The following CCDC88A variants were observed in gnomAD, a reference collection of about 807,000 sequenced individuals.
The protein encoded by CCDC88A is girdin.
A neutral mutation model predicts 234.3 loss-of-function variants in CCDC88A; 54 were observed. That is an observed-to-expected ratio of 0.23 (90% CI 0.19 to 0.29). The LOEUF (loss-of-function observed/expected upper bound fraction) is 0.29. Ranked by LOEUF, CCDC88A falls within the 10% of genes least tolerant of loss-of-function variation. The probability of loss-of-function intolerance (pLI) is 1.00; values close to 1 mark genes in which losing one functional copy is unlikely to be tolerated. For missense variants in CCDC88A, 1,832 were observed against 2,123.4 expected (o/e 0.86, Z 2.70); for synonymous variants, 753 against 737.8 (o/e 1.02, Z -0.33).
chr2:55,377,387 G>T (rs887092578), intron 3 of CCDC88A, among the ~76,000 whole-genome samples: 4 of 147,068 alleles, frequency 2.7e-5, no homozygotes, highest in African/African-American at 1.0e-4. Context: ...TGAACTCCTG[G>T]ACTCAAGCAA....
chr2:55,326,708 A>G (rs1344129185), intron 17 of CCDC88A, among the ~76,000 whole-genome samples: 1 of 152,078 alleles, frequency 6.6e-6, no homozygotes, highest in Non-Finnish European at 1.5e-5. Flanking sequence ...CTGGGATTAC[A>G]GGTGCCCGCC....
intron 27 of CCDC88A, 132 bp from the exon 28 acceptor site, chr2:55,301,409 A>G (rs1680884516): frequency 1.8e-6 from 1 of 551,024 alleles, no homozygotes; most frequent in Non-Finnish European, 3.1e-6. Context: ...TATTTCATAG[A>G]CTCAACTAGA....
At chr2:55,337,159 A>G (rs919372099) in intron 13 of CCDC88A, 3 of 171,856 alleles carry the variant, frequency 1.7e-5, no homozygotes, top group African/African-American at 7.2e-5. Flanking sequence ...GTAAAGTAAA[A>G]TTTTACTTAT....
chr2:55,417,517 G>A (rs558259275), intron 2 of CCDC88A: 1 of 151,492 alleles, frequency 6.6e-6, no homozygotes, highest in Non-Finnish European at 1.5e-5. Flanking sequence ...TACTAACCCT[G>A]GAAATAATTG....
chr2:55,395,796 A>C (rs1677430618), intron 2 of CCDC88A, among the ~76,000 whole-genome samples: 1 of 152,212 alleles, frequency 6.6e-6, no homozygotes, highest in Non-Finnish European at 1.5e-5. Flanking sequence ...TAGTAAGGTA[A>C]GCTAAATCTG....
chr2:55,366,831 G>C (rs1339738711), intron 5 of CCDC88A, among the ~76,000 whole-genome samples: 2 of 152,018 alleles, frequency 1.3e-5, no homozygotes, highest in Admixed American at 6.6e-5. Flanking sequence ...TATTGAACAA[G>C]AAAATAATAA....
intron 8 of CCDC88A, chr2:55,350,234 T>C (rs2589087): frequency 0.42 from 64,081 of 152,186 alleles, 14,215 homozygotes; most frequent in East Asian, 0.85. Context: ...AGAATTTTTA[T>C]GCAAGGCAGT....
chr2:55,394,443 A>AC (rs1368938243), intron 2 of CCDC88A: 1 of 152,106 alleles, frequency 6.6e-6, no homozygotes, highest in Non-Finnish European at 1.5e-5. Context: ...TTGGATATAT[A>AC]CCCAGTAATG....
Position 55,301,713 on chromosome 2 carries a change from A to G in CCDC88A, c.4672+159T>C. The G allele has an allele frequency of 7.7e-6, 5 of 649,824 alleles. No individual in the cohort carries two copies. In the South Asian group the frequency reaches 1.0e-4, roughly 13 times the overall value. 40.3% of individuals were successfully genotyped at this position (649,824 alleles called of 1,614,324 possible). ...TTTAGTTATTTGTATAACGTTTTAT[A>G]TTTTTAAAATGATTTGAAAGTTCCT... On this transcript the variant is annotated intron_variant, in intron 27 of 32. Coordinates refer to ENST00000436346, the MANE Select transcript of CCDC88A (RefSeq NM_001365480.1).
intron 4 of CCDC88A, among the ~76,000 whole-genome samples, chr2:55,374,465 C>T (rs935000089): frequency 1.3e-5 from 2 of 152,026 alleles, no homozygotes; most frequent in African/African-American, 4.8e-5. Context: ...GAATAGAAAC[C>T]TGGAAATTAT....
intron 2 of CCDC88A, among the ~76,000 whole-genome samples, chr2:55,411,014 G>T (rs1680395158): frequency 6.6e-6 from 1 of 152,214 alleles, no homozygotes; most frequent in South Asian, 2.1e-4. Flanking sequence ...AATATTAAAT[G>T]ATTGATTCAG....
rs543031661 is a variant in CCDC88A at position 55,339,473 on chromosome 2, G to C, written c.1509C>G (p.Leu503=). Residue 503 remains leucine (L), a synonymous_variant, in exon 13 of 33, where the codon CTC becomes CTG. Transcript: ENST00000436346. ...CTACATTTTAATTTACCTTTTTACT[G>C]AGCCTTTGATTTTCTTTTTCCATTT... ...ILKMEKENQR[L]SKKVEILENE... is the part of the protein sequence containing the mutation. The C allele has an allele frequency of 6.4e-7, 1 of 1,553,526 alleles. No individual in the cohort carries two copies. Among genetic ancestry groups the C allele is most frequent in the African/African-American group, 1.4e-5 (1 of 71,876 alleles).
At position 55,312,385 on chromosome 2, in the gene CCDC88A, TA is replaced by T. The variant is rs779469476; in HGVS notation, c.4079+48del. The stretch of plus-strand genomic sequence containing the variant: ...TCTCTGCCACTGGGTATGGCAATGA[TA>T]AAATCATGAGTAACATATTTCAGAG... On this transcript the variant is annotated intron_variant, in intron 23 of 32. Transcript: ENST00000436346. 4 of 1,551,566 alleles carry T rather than the reference TA, an allele frequency of 2.6e-6. No homozygotes were observed. In the South Asian group the frequency reaches 3.5e-5, roughly 14 times the overall value.
At chr2:55,389,239 A>G (rs988917314) in intron 2 of CCDC88A, among the ~76,000 whole-genome samples, 1 of 152,230 alleles carries the variant, frequency 6.6e-6, no homozygotes, top group Non-Finnish European at 1.5e-5. Flanking sequence ...ATGGGCTAAT[A>G]ATAACCAATA....
At chr2:55,325,079 A>C (rs1344861000) in intron 17 of CCDC88A, among the ~76,000 whole-genome samples, 1 of 152,244 alleles carries the variant, frequency 6.6e-6, no homozygotes, top group Non-Finnish European at 1.5e-5. Flanking sequence ...TTTCCATATA[A>C]ATTTTAGAAT....
At chr2:55,319,026 C>T (rs1558659834) in intron 18 of CCDC88A, 22 bp from the exon 19 acceptor site, 4 of 1,599,622 alleles carry the variant, frequency 2.5e-6, no homozygotes, top group Non-Finnish European at 2.6e-6. Context: ...AAAACCAAAA[C>T]CAAACATATT....
chr2:55,414,701 GCAA>G (rs1485502079), intron 2 of CCDC88A, among the ~76,000 whole-genome samples: 1 of 108,842 alleles, frequency 9.2e-6, no homozygotes, highest in Non-Finnish European at 2.0e-5. Context: ...GTGCAAAACA[GCAA>G]CAACAGAGTC....
chr2:55,368,983 G>A (rs1672411705), intron 5 of CCDC88A, among the ~76,000 whole-genome samples: 1 of 152,110 alleles, frequency 6.6e-6, no homozygotes, highest in Admixed American at 6.6e-5. Context: ...GACAGATTTT[G>A]GTCACACATT....
intron 8 of CCDC88A, among the ~76,000 whole-genome samples, chr2:55,352,702 C>T (rs1188734230): frequency 6.6e-6 from 1 of 152,028 alleles, no homozygotes; most frequent in Admixed American, 6.6e-5. Flanking sequence ...AGTGAAATTG[C>T]TATTTTAAAT....
Sources: allele counts gnomAD v4.1 joint callset (sites outside exome capture counted in the v4.1 genomes callset), GRCh38; gene constraint gnomAD v4.1.1; transcripts MANE v1.5; gene names NCBI Gene and HGNC (gene_info 2026-07-23, HGNC 2026-07-21).